Variants in SENP7 observed in about 807,000 individuals in gnomAD.
The protein encoded by SENP7 is SUMO specific peptidase 7, also known as sentrin-specific protease 7.
In SENP7, 64 loss-of-function variants were observed where a neutral mutation model predicts 141.2. The ratio of observed to expected loss-of-function variants is 0.45; its 90% confidence interval spans 0.37 to 0.56. SENP7 has a LOEUF of 0.56. Ranked by LOEUF, SENP7 falls within the 20% of genes least tolerant of loss-of-function variation. The probability of loss-of-function intolerance (pLI) is 0.00; values close to 1 mark genes in which losing one functional copy is unlikely to be tolerated. For missense variants in SENP7, 1,025 were observed against 1,212.2 expected, an observed-to-expected ratio of 0.85 and a Z score of 2.29; for synonymous variants, 382 against 426.4, an observed-to-expected ratio of 0.90 and a Z score of 1.28.
Position 101,364,228 on chromosome 3 carries a change from A to AAAAGAAAGAAAG in SENP7, c.1476+594_1476+605dup, listed in dbSNP as rs142675849. Among the ~76,000 whole-genome samples the AAAAGAAAGAAAG allele has an allele frequency of 3.1e-3, 467 of 148,776 alleles. 4 individuals are homozygous for AAAAGAAAGAAAG. Among genetic ancestry groups the AAAAGAAAGAAAG allele is most frequent in the East Asian group, 7.8e-3 (39 of 5,020 alleles). On this transcript the variant is annotated intron_variant, in intron 10 of 23. Coordinates refer to ENST00000394095, the MANE Select transcript of SENP7 (RefSeq NM_020654.5). ...GGTGACAGGGCAAGACCTTGTCTCAAAAAGAAAGAAAGAAAGAAAGAAAGA... is the reference window on the plus strand; with the variant it reads ...GGTGACAGGGCAAGACCTTGTCTCAAAAAGAAAGAAAGAAAGAAAGAAAGAAAGAAAGAAAGA...
At chr3:101,330,466 AT>A in intron 19 of SENP7, 80 bp from the exon 20 acceptor site, 1 of 891,794 alleles carries the variant, frequency 1.1e-6, no homozygotes, top group Non-Finnish European at 1.8e-6. Context: ...TAAAATTATA[AT>A]TTTTATGCAG....
chr3:101,477,676 C>T (rs1179843962), intron 3 of SENP7, among the ~76,000 whole-genome samples: 1 of 151,848 alleles, frequency 6.6e-6, no homozygotes, highest in Admixed American at 6.6e-5. Context: ...CATGGTGACA[C>T]GCCCTCTCTA....
chr3:101,394,081 C>T (rs2060892352), intron 6 of SENP7, among the ~76,000 whole-genome samples: 1 of 151,998 alleles, frequency 6.6e-6, no homozygotes, highest in African/African-American at 2.4e-5. Flanking sequence ...AGCCATTAAC[C>T]AAATTCTCTC....
Position 101,343,868 on chromosome 3 carries a change from T to C in SENP7, c.1924A>G (p.Ile642Val). The change falls in exon 14 of 24, where the codon ATA becomes GTA. Residue 642 changes from isoleucine to valine, a missense_variant. Physicochemically the swap from Ile to Val is conservative, Grantham distance 29. Coordinates refer to ENST00000394095, the MANE Select transcript of SENP7 (RefSeq NM_020654.5). ...TCTAATTCTCCACTGATTATACTTA[T>C]TTCCGTCATAATATCTTTCAGCTTC... is the stretch of plus-strand genomic sequence containing the variant. ...ELKLKDIMTE[I>V]SIISGELELS... 6.2e-7 allele frequency: 1 copy of C among 1,613,490 alleles called. No individual in the cohort carries two copies. The highest frequency in any genetic ancestry group is 1.1e-5 in the South Asian group (1 of 91,050).
chr3:101,369,095 C>G (rs1458966518), intron 7 of SENP7, among the ~76,000 whole-genome samples: 5 of 152,102 alleles, frequency 3.3e-5, no homozygotes, highest in Admixed American at 2.6e-4. Context: ...GAAACTCATG[C>G]CAATCATTAC....
At chr3:101,492,308 G>A (rs1009997972) in intron 3 of SENP7, among the ~76,000 whole-genome samples, 9 of 152,004 alleles carry the variant, frequency 5.9e-5, no homozygotes, top group Admixed American at 2.6e-4. Context: ...CCAGGAAGCT[G>A]AGGCTGCAAT....
At chr3:101,472,462 G>C (rs1211883807) in intron 3 of SENP7, among the ~76,000 whole-genome samples, 3 of 152,106 alleles carry the variant, frequency 2.0e-5, no homozygotes, top group African/African-American at 7.2e-5. Flanking sequence ...GAGATCACTT[G>C]GACACAGGGC....
At chr3:101,463,360 AATAAAT>A (rs1325819474) in intron 3 of SENP7, among the ~76,000 whole-genome samples, 88 of 46,968 alleles carry the variant, frequency 1.9e-3, no homozygotes, top group African/African-American at 6.5e-3. Flanking sequence ...TAAATAAATA[AATAAAT>A]ATATATATAT....
At chr3:101,365,014 A>G (rs994078473) in intron 9 of SENP7, 23 bp from the exon 10 acceptor site, 1 of 1,364,236 alleles carries the variant, frequency 7.3e-7, no homozygotes, top group African/African-American at 1.5e-5. Flanking sequence ...AGAAAAATGT[A>G]TTTTTGTTTA....
chr3:101,473,789 T>C (rs1335088282), intron 3 of SENP7, among the ~76,000 whole-genome samples: 2 of 152,212 alleles, frequency 1.3e-5, no homozygotes, highest in Non-Finnish European at 2.9e-5. Flanking sequence ...TTTTGGTATC[T>C]TTATCATGAA....
chr3:101,352,157 C>T lies in SENP7; in HGVS notation c.1624-506G>A, dbSNP rs1400714815. On this transcript the variant is annotated intron_variant, in intron 11 of 23. Coordinates refer to ENST00000394095, the MANE Select transcript of SENP7 (RefSeq NM_020654.5). ...ATGAGAAATTAAAATTGTCAGAAGG[C>T]TTGTGTCCAACCTGATGTGAATATT... 2.6e-5 allele frequency among the ~76,000 whole-genome samples: 4 copies of T among 152,122 alleles called. No homozygotes were observed. In the East Asian group the frequency reaches 5.8e-4, roughly 22 times the overall value.
At chr3:101,397,859 C>T (rs1026514824) in intron 6 of SENP7, among the ~76,000 whole-genome samples, 3 of 152,132 alleles carry the variant, frequency 2.0e-5, no homozygotes, top group African/African-American at 7.2e-5. Flanking sequence ...GCTTCAGAAG[C>T]TTGTAGCAAA....
intron 16 of SENP7, among the ~76,000 whole-genome samples, chr3:101,339,240 A>G (rs2059267164): frequency 6.6e-6 from 1 of 152,176 alleles, no homozygotes; most frequent in Non-Finnish European, 1.5e-5. Context: ...AAAACAATAG[A>G]GCTTAGGTAA....
intron 6 of SENP7, among the ~76,000 whole-genome samples, chr3:101,383,312 C>T (rs1216478242): frequency 6.6e-6 from 1 of 152,200 alleles, no homozygotes; most frequent in Non-Finnish European, 1.5e-5. Context: ...AGCAGCCCAT[C>T]TGGAGCAGCT....
At chr3:101,457,816 C>T (rs943607345) in intron 4 of SENP7, 6 of 584,650 alleles carry the variant, frequency 1.0e-5, no homozygotes, top group Admixed American at 9.0e-5. Flanking sequence ...TAGGCGCACA[C>T]ATGCGGAGAT....
chr3:101,500,768 G>C (rs1225434040), intron 2 of SENP7, among the ~76,000 whole-genome samples: 2 of 152,112 alleles, frequency 1.3e-5, no homozygotes, highest in Non-Finnish European at 2.9e-5. Context: ...ATGCACATTG[G>C]TACTCTAATA....
intron 6 of SENP7, among the ~76,000 whole-genome samples, chr3:101,393,567 A>T (rs1194676766): frequency 3.9e-5 from 6 of 152,242 alleles, no homozygotes; most frequent in Non-Finnish European, 8.8e-5. Flanking sequence ...AGATATACAA[A>T]TGTCCAATAG....
intron 4 of SENP7, among the ~76,000 whole-genome samples, chr3:101,427,892 T>A (rs1287747174): frequency 2.6e-5 from 4 of 152,078 alleles, no homozygotes; most frequent in Non-Finnish European, 5.9e-5. Flanking sequence ...TTCCCTGCCC[T>A]GTGTCCATGT....
intron 1 of SENP7, among the ~76,000 whole-genome samples, chr3:101,507,330 A>T (rs2065662657): frequency 6.6e-6 from 1 of 152,104 alleles, no homozygotes; most frequent in African/African-American, 2.4e-5. Context: ...ATACCCCCTT[A>T]ATTTACTTTT....
Sources: gnomAD v4.1 joint callset for allele counts (sites outside exome capture counted in the v4.1 genomes callset) on GRCh38, gnomAD v4.1.1 for gene constraint, MANE v1.5 for transcripts, NCBI Gene and HGNC (gene_info 2026-07-23, HGNC 2026-07-21) for gene names.